The following TBC1D19 variants were observed in gnomAD, a reference collection of about 807,000 sequenced individuals.
TBC1D19 encodes TBC1 domain family, member 19.
In TBC1D19, 60 loss-of-function variants were observed where a neutral mutation model predicts 89.0. The observed-to-expected ratio is 0.67, with a 90% CI of 0.55 to 0.84. The LOEUF (loss-of-function observed/expected upper bound fraction) is 0.84. Among genes scored for constraint, TBC1D19 ranks in the 40% least tolerant of loss-of-function variants. The probability of loss-of-function intolerance (pLI) is 0.00; values close to 1 mark genes in which losing one functional copy is unlikely to be tolerated. For missense variants in TBC1D19, 500 were observed against 610.8 expected (o/e 0.82, Z 1.91); for synonymous variants, 189 against 199.7 (o/e 0.95, Z 0.45).
chr4:26,754,947 A>C lies in TBC1D19; in HGVS notation c.1581A>C (p.Ter527CysextTer14). The C allele has an allele frequency of 5.6e-6, 9 of 1,604,170 alleles. No homozygotes were observed. The highest frequency in any genetic ancestry group is 7.6e-6 in the Non-Finnish European group (9 of 1,176,844). The change falls in exon 21 of 21, where the codon TGA becomes TGC. Residue 527 changes from the stop codon to cysteine (C), a stop_lost. Transcript: ENST00000264866. ...TTTTTCTGTTTGCTACTGTCACCTG[A>C]TCTTCTTCACAGTCACTGGCAACAC... Reference protein sequence around the residue: ...LQIFLFATVT* With the variant: ...LQIFLFATVTC
the TBC1D19 span, among the ~76,000 whole-genome samples, chr4:26,786,737 GT>G: frequency 7.5e-6 from 1 of 133,378 alleles, no homozygotes; most frequent in East Asian, 2.6e-4. Context: ...AGGTGGGTGG[GT>G]GGGTGGGTGG....
Position 26,742,490 on chromosome 4 carries a change from A to T in TBC1D19, c.1228-18A>T. 2 of 1,556,132 alleles carry T rather than the reference A, an allele frequency of 1.3e-6. No individual in the cohort carries two copies. The highest frequency in any genetic ancestry group is 1.7e-6 in the Non-Finnish European group (2 of 1,146,680). ...TATTAAAATATCTATTTCTCTTATG[A>T]TTCATTATTGTATCCAGGGTATTGT... On this transcript the variant is annotated intron_variant, in intron 17 of 20. Transcript: ENST00000264866.
chr4:26,667,746 T>C (rs780727019), intron 9 of TBC1D19, among the ~76,000 whole-genome samples: 15 of 152,156 alleles, frequency 9.9e-5, no homozygotes, highest in Non-Finnish European at 1.9e-4. Flanking sequence ...AAATATTCAT[T>C]CATTCATTCA....
the TBC1D19 span, among the ~76,000 whole-genome samples, chr4:26,850,608 A>G: frequency 6.6e-6 from 1 of 151,234 alleles, no homozygotes; most frequent in African/African-American, 2.4e-5. Context: ...AGAGACAGAC[A>G]TGCAGGAAGA....
chr4:26,851,725 T>C, the TBC1D19 span, among the ~76,000 whole-genome samples: 6 of 152,232 alleles, frequency 3.9e-5, no homozygotes, highest in Non-Finnish European at 8.8e-5. Flanking sequence ...TCTTTTTTTA[T>C]TTTTTGTTTG....
intron 1 of TBC1D19, among the ~76,000 whole-genome samples, chr4:26,588,300 A>C (rs1739552303): frequency 6.6e-6 from 1 of 152,038 alleles, no homozygotes; most frequent in Non-Finnish European, 1.5e-5. Flanking sequence ...GCTGGGATTA[A>C]AGGCATAAGC....
At chr4:26,657,103 T>A (rs1215233415) in intron 7 of TBC1D19, among the ~76,000 whole-genome samples, 1 of 151,372 alleles carries the variant, frequency 6.6e-6, no homozygotes, top group Non-Finnish European at 1.5e-5. Flanking sequence ...ATTTTTATTT[T>A]ACTTTAAGTT....
intron 18 of TBC1D19, 65 bp downstream of exon 18, chr4:26,742,664 G>T (rs1228272902): frequency 5.5e-6 from 7 of 1,274,618 alleles, no homozygotes; most frequent in Admixed American, 4.0e-5. Flanking sequence ...TTTCCTCATT[G>T]CAGAGCACTT....
At chr4:26,750,434 T>A (rs1022387334) in intron 19 of TBC1D19, among the ~76,000 whole-genome samples, 4 of 152,214 alleles carry the variant, frequency 2.6e-5, no homozygotes, top group Non-Finnish European at 1.5e-5. Flanking sequence ...TTAACTGTTA[T>A]GTGAAGGGTC....
chr4:26,688,635 GA>G (rs1370217538), intron 13 of TBC1D19, among the ~76,000 whole-genome samples: 1 of 152,056 alleles, frequency 6.6e-6, no homozygotes, highest in Non-Finnish European at 1.5e-5. Flanking sequence ...GTACATCAAG[GA>G]GGTATTATTG....
At chr4:26,797,564 C>G in the TBC1D19 span, among the ~76,000 whole-genome samples, 1 of 152,024 alleles carries the variant, frequency 6.6e-6, no homozygotes, top group South Asian at 2.1e-4. Flanking sequence ...CATAGGGAAC[C>G]AAAAAAGAGC....
intron 5 of TBC1D19, among the ~76,000 whole-genome samples, chr4:26,637,661 T>G (rs938987293): frequency 1.3e-5 from 2 of 152,154 alleles, no homozygotes; most frequent in Non-Finnish European, 1.5e-5. Flanking sequence ...TGTGAGCCAC[T>G]GTGCCCGGCC....
intron 11 of TBC1D19, among the ~76,000 whole-genome samples, chr4:26,682,408 A>G (rs1366737297): frequency 6.6e-6 from 1 of 152,238 alleles, no homozygotes; most frequent in East Asian, 1.9e-4. Context: ...CTTTGACTCA[A>G]GCCAAAGAAC....
At chr4:26,729,162 T>C (rs1717504619) in intron 15 of TBC1D19, among the ~76,000 whole-genome samples, 1 of 152,256 alleles carries the variant, frequency 6.6e-6, no homozygotes, top group Non-Finnish European at 1.5e-5. Flanking sequence ...GAGGCAATCA[T>C]AGTCCCCTTG....
the TBC1D19 span, among the ~76,000 whole-genome samples, chr4:26,777,654 G>T: frequency 2.0e-5 from 3 of 151,974 alleles, no homozygotes; most frequent in Non-Finnish European, 4.4e-5. Context: ...TTGCAGTGTT[G>T]GCCAGGCTGG....
the TBC1D19 span, among the ~76,000 whole-genome samples, chr4:26,854,362 C>A: frequency 2.6e-5 from 4 of 152,140 alleles, no homozygotes; most frequent in Non-Finnish European, 5.9e-5. Flanking sequence ...TAGTACCCGA[C>A]CCTAAAATGC....
At chr4:26,747,194 C>A (rs1718698161) in intron 18 of TBC1D19, among the ~76,000 whole-genome samples, 1 of 152,092 alleles carries the variant, frequency 6.6e-6, no homozygotes, top group Non-Finnish European at 1.5e-5. Flanking sequence ...AAAAGCTATG[C>A]TATGTTATTT....
intron 13 of TBC1D19, among the ~76,000 whole-genome samples, chr4:26,713,959 A>G (rs926656431): frequency 6.6e-6 from 1 of 152,122 alleles, no homozygotes; most frequent in African/African-American, 2.4e-5. Context: ...GAAACAGCAT[A>G]AAGTTGAAAA....
At chr4:26,840,296 G>A in the TBC1D19 span, among the ~76,000 whole-genome samples, 1 of 152,190 alleles carries the variant, frequency 6.6e-6, no homozygotes, top group South Asian at 2.1e-4. Flanking sequence ...TGGCCAGGAT[G>A]GTCTCAAACT....
Sources: allele counts gnomAD v4.1 joint callset (sites outside exome capture counted in the v4.1 genomes callset), GRCh38; gene constraint gnomAD v4.1.1; transcripts MANE v1.5; gene names NCBI Gene and HGNC (gene_info 2026-07-23, HGNC 2026-07-21).